PARM1: variants seen among roughly 807,000 people sequenced by gnomAD.
PARM1 encodes WSC4, cell wall integrity and stress response component 4 homolog.
Under a neutral mutation model 24.6 loss-of-function variants are expected in PARM1, and 14 were observed. The ratio of observed to expected loss-of-function variants is 0.57; its 90% CI spans 0.38 to 0.89. The LOEUF (loss-of-function observed/expected upper bound fraction) is 0.89, where lower values mean the gene tolerates loss of function less well. Among genes scored for constraint, PARM1 ranks in the 40% least tolerant of loss-of-function variants. PARM1 has a pLI of 0.00. For synonymous variants in PARM1, 179 were observed against 156.6 expected (o/e 1.14, Z -1.07); for missense variants, 362 against 380.4 (o/e 0.95, Z 0.40).
chr4:75,013,289 C>T (rs745346327), intron 2 of PARM1, 139 bp downstream of exon 2: 106 of 900,562 alleles, frequency 1.2e-4, no homozygotes, highest in South Asian at 3.1e-4. Flanking sequence ...AGAATTTCCA[C>T]GAGTGCAAAC....
chr4:74,967,221 TCC>T (rs1721923026), intron 1 of PARM1: 1 of 152,216 alleles, frequency 6.6e-6, no homozygotes, highest in African/African-American at 2.4e-5. Flanking sequence ...AAGCTCAGTC[TCC>T]ACTTTGCGTT....
chr4:74,934,507 G>A (rs966267278), intron 1 of PARM1, among the ~76,000 whole-genome samples: 3 of 152,212 alleles, frequency 2.0e-5, no homozygotes, highest in African/African-American at 7.2e-5. Context: ...ATAAGGAAAA[G>A]TTTCCCAACT....
intron 1 of PARM1, among the ~76,000 whole-genome samples, chr4:74,939,897 C>T (rs1312130909): frequency 1.3e-5 from 2 of 152,128 alleles, no homozygotes; most frequent in Non-Finnish European, 2.9e-5. Flanking sequence ...GTGGAATACA[C>T]CTTTGATGAT....
intron 1 of PARM1, among the ~76,000 whole-genome samples, chr4:74,986,789 T>A (rs1722365667): frequency 6.6e-6 from 1 of 152,166 alleles, no homozygotes; most frequent in African/African-American, 2.4e-5. Context: ...GGCAGAAAGT[T>A]CAGACAAGTC....
At chr4:74,933,471 G>C in intron 1 of PARM1, 101 bp downstream of exon 1, 1 of 1,008,594 alleles carries the variant, frequency 9.9e-7, no homozygotes, top group Non-Finnish European at 1.6e-6. Flanking sequence ...GTGAGTCGCC[G>C]CGCGCCTCCG....
chr4:74,979,519 T>G (rs1294987904), intron 1 of PARM1, among the ~76,000 whole-genome samples: 1 of 152,136 alleles, frequency 6.6e-6, no homozygotes, highest in Admixed American at 6.5e-5. Flanking sequence ...CATGGCTAAA[T>G]TGTACCAGAG....
chr4:74,933,438 G>C (rs1313006734), intron 1 of PARM1, 68 bp downstream of exon 1: 1 of 1,414,474 alleles, frequency 7.1e-7, no homozygotes, highest in African/African-American at 1.4e-5. Flanking sequence ...GCGTGGTCGG[G>C]GCTGAAGCTA....
At chr4:74,955,617 T>G (rs1284309437) in intron 1 of PARM1, among the ~76,000 whole-genome samples, 1 of 152,240 alleles carries the variant, frequency 6.6e-6, no homozygotes, top group Non-Finnish European at 1.5e-5. Flanking sequence ...TCAAAATTCA[T>G]AAGCCTCCTC....
intron 1 of PARM1, among the ~76,000 whole-genome samples, chr4:75,010,107 A>G (rs1578049197): frequency 6.6e-6 from 1 of 152,236 alleles, no homozygotes. Flanking sequence ...CAGCCCAAGT[A>G]TCTATCAGTG....
Position 75,012,512 on chromosome 4 carries a change from G to A in PARM1, c.131G>A (p.Ser44Asn). 6.2e-7 allele frequency: 1 copy of A among 1,613,882 alleles called. No homozygotes were observed. Among genetic ancestry groups the A allele is most frequent in the Non-Finnish European group, 8.5e-7 (1 of 1,179,892 alleles). The change falls in exon 2 of 4, where the codon AGC becomes AAC. Residue 44 changes from serine (S) to asparagine (N), a missense_variant. Ser to Asn is a conservative substitution (Grantham distance 46, BLOSUM62 1). Coordinates refer to ENST00000307428, the MANE Select transcript of PARM1 (RefSeq NM_015393.4). ...NIVPPTTIWT[S>N]SPQNTDADTA... is the part of the protein sequence containing the mutation. ...GTACCACCGACCACCATCTGGACTA[G>A]CTCTCCACAAAACACTGATGCAGAC...
chr4:75,019,995 A>G (rs111698563), intron 2 of PARM1, among the ~76,000 whole-genome samples: 9,838 of 140,116 alleles, frequency 0.07, 1,171 homozygotes, highest in African/African-American at 0.24. Context: ...GGGCGACAGA[A>G]CGAGACTCCG....
chr4:74,979,724 A>G (rs1483859732), intron 1 of PARM1, among the ~76,000 whole-genome samples: 2 of 152,232 alleles, frequency 1.3e-5, no homozygotes, highest in African/African-American at 4.8e-5. Context: ...TCAATAAAAT[A>G]CTGGCAAACC....
intron 1 of PARM1, among the ~76,000 whole-genome samples, chr4:75,009,054 A>G (rs1173941553): frequency 1.3e-5 from 2 of 152,102 alleles, no homozygotes; most frequent in African/African-American, 4.8e-5. Context: ...TGTTTTGTCC[A>G]TATTTCAAAG....
At chr4:74,991,714 AGT>A (rs1722475241) in intron 1 of PARM1, among the ~76,000 whole-genome samples, 1 of 152,178 alleles carries the variant, frequency 6.6e-6, no homozygotes, top group Non-Finnish European at 1.5e-5. Flanking sequence ...CATTAGGTTG[AGT>A]GCTCAAAAGG....
intron 1 of PARM1, among the ~76,000 whole-genome samples, chr4:75,008,884 CCTAT>C (rs1303550395): frequency 6.6e-6 from 1 of 151,980 alleles, no homozygotes; most frequent in Non-Finnish European, 1.5e-5. Flanking sequence ...CCTCCATCTG[CCTAT>C]CTATTACATG....
intron 1 of PARM1, among the ~76,000 whole-genome samples, chr4:74,958,380 G>A (rs2109987861): frequency 6.6e-6 from 1 of 152,296 alleles, no homozygotes; most frequent in Admixed American, 6.5e-5. Context: ...AGTAGGCTGT[G>A]TGCTGGAGGT....
At chr4:74,956,040 C>T (rs1721624374) in intron 1 of PARM1, 2 of 152,190 alleles carry the variant, frequency 1.3e-5, no homozygotes, top group Non-Finnish European at 1.5e-5. Flanking sequence ...TACAGTTCTT[C>T]AGTTTCTGCT....
chr4:74,967,888 A>G (rs1721939176), intron 1 of PARM1: 1 of 152,200 alleles, frequency 6.6e-6, no homozygotes, highest in African/African-American at 2.4e-5. Flanking sequence ...CAATGCTTTG[A>G]GGTTACTTAA....
intron 1 of PARM1, among the ~76,000 whole-genome samples, chr4:74,978,360 A>G (rs1010229548): frequency 1.7e-4 from 26 of 152,156 alleles, no homozygotes; most frequent in African/African-American, 6.0e-4. Flanking sequence ...AAGATAAAAA[A>G]ATACAAAGAA....
Sources: allele counts gnomAD v4.1 joint callset (sites outside exome capture counted in the v4.1 genomes callset), GRCh38; gene constraint gnomAD v4.1.1; transcripts MANE v1.5; gene names NCBI Gene and HGNC (gene_info 2026-07-23, HGNC 2026-07-21).